SYCP2L: variants seen among roughly 807,000 people sequenced by gnomAD.
SYCP2L encodes the protein synaptonemal complex protein 2 like.
SYCP2L carries 98 observed loss-of-function variants against 125.8 expected under a neutral mutation model. The observed-to-expected ratio is 0.78, with a 90% CI of 0.66 to 0.92. SYCP2L has a LOEUF of 0.92. SYCP2L is among the 40% of genes least tolerant of loss of function. SYCP2L has a pLI of 0.00. For synonymous variants in SYCP2L, 317 were observed against 325.4 expected (o/e 0.97, Z 0.28); for missense variants, 842 against 936.4 (o/e 0.90, Z 1.32).
intron 29 of SYCP2L, among the ~76,000 whole-genome samples, chr6:10,967,454 G>GGGGTGTGTGT (rs56098075): frequency 0.079 from 10,945 of 138,814 alleles, 612 homozygotes; most frequent in East Asian, 0.19. Context: ...TGGGGTAGAG[G>GGGGTGTGTGT]GTGTGTGTGT....
intron 14 of SYCP2L, among the ~76,000 whole-genome samples, chr6:10,923,309 A>T (rs970732593): frequency 6.6e-6 from 1 of 150,592 alleles, no homozygotes; most frequent in Non-Finnish European, 1.5e-5. Context: ...TGTAAGCCCG[A>T]TTACAATTTG....
intron 29 of SYCP2L, among the ~76,000 whole-genome samples, chr6:10,971,883 C>CCAGGCTGGT (rs1781781819): frequency 6.6e-6 from 1 of 152,088 alleles, no homozygotes; most frequent in Admixed American, 6.6e-5. Flanking sequence ...GCCATGTTGG[C>CCAGGCTGGT]CAGGCTGGTC....
rs555793700 is a variant in SYCP2L, at chr6:10,972,471, C to T, written c.*38-1481C>T. ...CTTTTTTCCCTGTGAAGAGCAGCAG[C>T]GTAGTCCAGGGCTGGTGGTACAGCA... is the stretch of plus-strand genomic sequence containing the variant. On this transcript the variant is annotated intron_variant, in intron 29 of 29. Coordinates refer to ENST00000283141, the MANE Select transcript of SYCP2L (RefSeq NM_001040274.3). Among the ~76,000 whole-genome samples, 3 of 152,262 alleles carry T rather than the reference C, an allele frequency of 2.0e-5. No individual in the cohort carries two copies. The South Asian group carries it at 6.2e-4, about 32-fold the overall frequency.
At chr6:10,969,412 G>GT (rs1318651402) in intron 29 of SYCP2L, among the ~76,000 whole-genome samples, 5 of 143,752 alleles carry the variant, frequency 3.5e-5, no homozygotes, top group Non-Finnish European at 7.5e-5. Context: ...CCAGGCTGGA[G>GT]TGCAGTGGCA....
chr6:10,916,998 T>TA (rs1780705448), intron 14 of SYCP2L, among the ~76,000 whole-genome samples: 1 of 152,098 alleles, frequency 6.6e-6, no homozygotes, highest in South Asian at 2.1e-4. Flanking sequence ...TTTCAAAAAA[T>TA]AAAATAATCA....
intron 10 of SYCP2L, among the ~76,000 whole-genome samples, chr6:10,909,785 G>A (rs1246392424): frequency 6.6e-6 from 1 of 152,140 alleles, no homozygotes; most frequent in Non-Finnish European, 1.5e-5. Context: ...TTAGGGAGGT[G>A]GATGCCCAAT....
chr6:10,951,933 A>G (rs775748474), intron 23 of SYCP2L, among the ~76,000 whole-genome samples: 25 of 152,240 alleles, frequency 1.6e-4, no homozygotes, highest in Admixed American at 2.6e-4. Context: ...CGGCTACCCA[A>G]GATAAGTTCA....
chr6:10,910,587 C>A (rs375076745), intron 11 of SYCP2L, among the ~76,000 whole-genome samples: 4 of 152,232 alleles, frequency 2.6e-5, no homozygotes, highest in African/African-American at 9.6e-5. Context: ...GTTTGGGAAT[C>A]TGGCTGAGTA....
intron 21 of SYCP2L, among the ~76,000 whole-genome samples, chr6:10,941,950 T>C (rs1423001629): frequency 6.6e-6 from 1 of 151,990 alleles, no homozygotes; most frequent in Non-Finnish European, 1.5e-5. Context: ...GTGGCACATA[T>C]ACACCATGGA....
chr6:10,959,392 G>A (rs1372939568), intron 26 of SYCP2L, among the ~76,000 whole-genome samples: 2 of 152,224 alleles, frequency 1.3e-5, no homozygotes, highest in Admixed American at 1.3e-4. Flanking sequence ...GTTGCCAAAG[G>A]TTGGGGAAAG....
chr6:10,944,962 C>T (rs1781283048), intron 23 of SYCP2L, among the ~76,000 whole-genome samples: 1 of 152,208 alleles, frequency 6.6e-6, no homozygotes, highest in South Asian at 2.1e-4. Context: ...GATCTGCCTG[C>T]CTCGGCCTCC....
At chr6:10,934,965 C>A in intron 20 of SYCP2L, 93 bp from the exon 21 acceptor site, 2 of 1,150,186 alleles carry the variant, frequency 1.7e-6, no homozygotes, top group Non-Finnish European at 2.4e-6. Flanking sequence ...AATACTTAAG[C>A]TTCTTAAAGT....
intron 21 of SYCP2L, among the ~76,000 whole-genome samples, chr6:10,937,531 G>T (rs1006197966): frequency 6.6e-6 from 1 of 151,932 alleles, no homozygotes; most frequent in African/African-American, 2.4e-5. Context: ...GAAAAAAGAA[G>T]AAACTAAACC....
chr6:10,893,461 C>CTT (rs1334796176), intron 2 of SYCP2L, among the ~76,000 whole-genome samples: 2 of 152,250 alleles, frequency 1.3e-5, no homozygotes, highest in East Asian at 3.9e-4. Context: ...TGATCATAGG[C>CTT]TTGAAATTTT....
At chr6:10,901,849 G>A (rs1561681429) in intron 6 of SYCP2L, among the ~76,000 whole-genome samples, 3 of 152,234 alleles carry the variant, frequency 2.0e-5, no homozygotes, top group Non-Finnish European at 4.4e-5. Context: ...TGGAAATAGC[G>A]TGGCTCCGCC....
chr6:10,966,642 T>C (rs1285758913), intron 29 of SYCP2L, among the ~76,000 whole-genome samples: 1 of 152,126 alleles, frequency 6.6e-6, no homozygotes, highest in Admixed American at 6.5e-5. Context: ...TTGAACATGA[T>C]TGAAAAACAA....
At chr6:10,965,962 A>G (rs945171059) in intron 29 of SYCP2L, among the ~76,000 whole-genome samples, 4 of 152,030 alleles carry the variant, frequency 2.6e-5, no homozygotes, top group African/African-American at 9.7e-5. Flanking sequence ...AAAATACAAA[A>G]ATTAGCCAGG....
intron 1 of SYCP2L, among the ~76,000 whole-genome samples, chr6:10,887,458 C>A (rs1276773938): frequency 6.6e-6 from 1 of 152,188 alleles, no homozygotes; most frequent in Non-Finnish European, 1.5e-5. Context: ...AGCCCTCTTT[C>A]CACCTTGCTG....
At chr6:10,917,537 C>G (rs58450665) in intron 14 of SYCP2L, among the ~76,000 whole-genome samples, 32,305 of 151,994 alleles carry the variant, frequency 0.21, 4,195 homozygotes, top group East Asian at 0.39. Context: ...TATGTGAGTC[C>G]TTATGTGTTA....
Sources: gnomAD v4.1 joint callset for allele counts (sites outside exome capture counted in the v4.1 genomes callset) on GRCh38, gnomAD v4.1.1 for gene constraint, MANE v1.5 for transcripts, NCBI Gene and HGNC (gene_info 2026-07-23, HGNC 2026-07-21) for gene names.